GUCY1A2: variants seen among roughly 807,000 people sequenced by gnomAD.
GUCY1A2 encodes guanylate cyclase soluble subunit alpha-2.
GUCY1A2 carries 27 observed loss-of-function variants against 63.5 expected under a neutral mutation model. The ratio of observed to expected loss-of-function variants is 0.43; its 90% CI spans 0.31 to 0.59. The LOEUF is 0.59. Ranked by LOEUF, GUCY1A2 falls within the 20% of genes least tolerant of loss-of-function variation. The probability of loss-of-function intolerance (pLI) is 0.11; values close to 1 mark genes in which losing one functional copy is unlikely to be tolerated. For synonymous variants in GUCY1A2, 364 were observed against 343.5 expected (o/e 1.06, Z -0.66); for missense variants, 768 against 913.3 (o/e 0.84, Z 2.05).
At chr11:106,784,467 G>A (rs547788153) in intron 5 of GUCY1A2, among the ~76,000 whole-genome samples, 74 of 152,086 alleles carry the variant, frequency 4.9e-4, no homozygotes, top group African/African-American at 1.7e-3. Context: ...GAGTGCCCCT[G>A]GTCCCAGTTG....
intron 4 of GUCY1A2, among the ~76,000 whole-genome samples, chr11:106,910,285 T>C (rs1457465012): frequency 3.9e-5 from 6 of 151,994 alleles, no homozygotes; most frequent in African/African-American, 1.4e-4. Context: ...CCCTATTATA[T>C]TTCAAAATGC....
At chr11:106,816,774 T>C (rs2135427910) in intron 4 of GUCY1A2, among the ~76,000 whole-genome samples, 1 of 151,924 alleles carries the variant, frequency 6.6e-6, no homozygotes, top group South Asian at 2.1e-4. Flanking sequence ...GGGTTATCAC[T>C]ATAGATAATA....
intron 6 of GUCY1A2, among the ~76,000 whole-genome samples, chr11:106,767,528 T>C (rs939741464): frequency 5.3e-5 from 8 of 152,152 alleles, no homozygotes; most frequent in Admixed American, 6.6e-5. Context: ...GACTATTTTA[T>C]AGTCTGAAAA....
At chr11:106,991,933 A>AT (rs1332093008) in intron 1 of GUCY1A2, among the ~76,000 whole-genome samples, 6 of 152,148 alleles carry the variant, frequency 3.9e-5, no homozygotes, top group African/African-American at 1.4e-4. Context: ...AACTTCTTTG[A>AT]TTTTCACATC....
intron 6 of GUCY1A2, among the ~76,000 whole-genome samples, chr11:106,766,583 T>G (rs976765595): frequency 2.0e-5 from 3 of 151,962 alleles, no homozygotes; most frequent in Non-Finnish European, 4.4e-5. Flanking sequence ...ATAAAGAGAT[T>G]AAATAATTTT....
At chr11:106,706,672 T>TA (rs71470829) in intron 7 of GUCY1A2, among the ~76,000 whole-genome samples, 1 of 150,810 alleles carries the variant, frequency 6.6e-6, no homozygotes, top group African/African-American at 2.4e-5. Context: ...TTTTTTTTTT[T>TA]AAGTGAAGTT....
At chr11:106,951,798 T>C (rs1055344496) in intron 3 of GUCY1A2, among the ~76,000 whole-genome samples, 6 of 152,366 alleles carry the variant, frequency 3.9e-5, no homozygotes, top group Admixed American at 2.6e-4. Flanking sequence ...GTTTTTGTCA[T>C]GAAGTCTTTG....
chr11:106,933,960 G>C (rs77477190), intron 4 of GUCY1A2, among the ~76,000 whole-genome samples: 1 of 152,110 alleles, frequency 6.6e-6, no homozygotes, highest in African/African-American at 2.4e-5. Flanking sequence ...GGATGGGAAA[G>C]GGGGGACAAG....
intron 3 of GUCY1A2, among the ~76,000 whole-genome samples, chr11:106,940,676 C>T (rs1042927228): frequency 2.0e-5 from 3 of 152,126 alleles, no homozygotes; most frequent in African/African-American, 7.2e-5. Flanking sequence ...GATATGTATA[C>T]ACTTATCATA....
At chr11:106,803,058 C>T (rs956747135) in intron 5 of GUCY1A2, among the ~76,000 whole-genome samples, 7 of 152,166 alleles carry the variant, frequency 4.6e-5, no homozygotes, top group Non-Finnish European at 5.9e-5. Context: ...TTAACTTCTG[C>T]TTAGCAACTA....
At chr11:106,934,983 G>T (rs1390887601) in intron 4 of GUCY1A2, among the ~76,000 whole-genome samples, 1 of 152,174 alleles carries the variant, frequency 6.6e-6, no homozygotes, top group African/African-American at 2.4e-5. Flanking sequence ...GACATTAGTA[G>T]ATACAGGTAA....
intron 4 of GUCY1A2, among the ~76,000 whole-genome samples, chr11:106,935,725 T>C (rs1422130538): frequency 6.6e-6 from 1 of 151,908 alleles, no homozygotes; most frequent in Non-Finnish European, 1.5e-5. Flanking sequence ...TGCACACCTG[T>C]AGTCCCAGCT....
At chr11:106,870,235 C>G (rs1301613151) in intron 4 of GUCY1A2, among the ~76,000 whole-genome samples, 1 of 151,696 alleles carries the variant, frequency 6.6e-6, no homozygotes, top group Non-Finnish European at 1.5e-5. Context: ...GCACATGTAC[C>G]CTAGAACTTA....
chr11:106,832,264 T>C (rs1859061733), intron 4 of GUCY1A2, among the ~76,000 whole-genome samples: 1 of 152,192 alleles, frequency 6.6e-6, no homozygotes, highest in Non-Finnish European at 1.5e-5. Flanking sequence ...TTAAATGGTT[T>C]CTTAAATCTC....
intron 5 of GUCY1A2, among the ~76,000 whole-genome samples, chr11:106,793,900 GA>G (rs1490516624): frequency 6.6e-6 from 1 of 152,092 alleles, no homozygotes; most frequent in Admixed American, 6.6e-5. Flanking sequence ...CACAGTTTTT[GA>G]GGATGTAAAT....
At chr11:106,845,939 TA>T (rs1390597558) in intron 4 of GUCY1A2, among the ~76,000 whole-genome samples, 2 of 151,596 alleles carry the variant, frequency 1.3e-5, no homozygotes, top group Non-Finnish European at 3.0e-5. Context: ...TAATTTAAGA[TA>T]ACATTACAAA....
chr11:106,747,769 G>C (rs1863815078), intron 6 of GUCY1A2, among the ~76,000 whole-genome samples: 1 of 152,210 alleles, frequency 6.6e-6, no homozygotes, highest in African/African-American at 2.4e-5. Context: ...GGAGTGCTGG[G>C]GTGGGATGGG....
At chr11:106,916,028 A>C (rs1860365480) in intron 4 of GUCY1A2, among the ~76,000 whole-genome samples, 1 of 145,374 alleles carries the variant, frequency 6.9e-6, no homozygotes, top group African/African-American at 2.4e-5. Context: ...AAGATACATA[A>C]AGGACATGAT....
chr11:106,711,830 G>GT (rs976098514), intron 6 of GUCY1A2, among the ~76,000 whole-genome samples: 1 of 152,012 alleles, frequency 6.6e-6, no homozygotes, highest in Non-Finnish European at 1.5e-5. Context: ...GGTTTAAAGA[G>GT]TTTTTTACCC....
Sources: gnomAD v4.1 joint callset for allele counts (sites outside exome capture counted in the v4.1 genomes callset) on GRCh38, gnomAD v4.1.1 for gene constraint, MANE v1.5 for transcripts, NCBI Gene and HGNC (gene_info 2026-07-23, HGNC 2026-07-21) for gene names.